Variants in CRTC1 observed in about 807,000 individuals in gnomAD.
CRTC1 encodes CREB-regulated transcription coactivator 1.
In CRTC1, 18 loss-of-function variants were observed where a neutral mutation model predicts 66.1. The observed-to-expected ratio is 0.27, with a 90% CI of 0.19 to 0.40. CRTC1 has a LOEUF of 0.40. Ranked by LOEUF, CRTC1 falls within the 10% of genes least tolerant of loss-of-function variation. The pLI, the probability that CRTC1 is intolerant of heterozygous loss-of-function variation, is 1.00. For missense variants in CRTC1, 669 were observed against 887.9 expected, an observed-to-expected ratio of 0.75 and a Z score of 3.13; for synonymous variants, 416 against 398.8, an observed-to-expected ratio of 1.04 and a Z score of -0.51.
At chr19:18,716,243 G>A (rs2053504285) in intron 1 of CRTC1, among the ~76,000 whole-genome samples, 1 of 151,712 alleles carries the variant, frequency 6.6e-6, no homozygotes, top group Non-Finnish European at 1.5e-5. Flanking sequence ...CCAGAATGTG[G>A]CTCCCGAATG....
chr19:18,724,383 C>T lies in CRTC1; in HGVS notation c.127-18527C>T, dbSNP rs556336747. Among the ~76,000 whole-genome samples the T allele has an allele frequency of 2.6e-5, 4 of 152,206 alleles. No homozygotes were observed. In the South Asian group the frequency reaches 8.3e-4, roughly 32 times the overall value. On this transcript the variant is annotated intron_variant, in intron 1 of 13. Coordinates refer to ENST00000321949, the MANE Select transcript of CRTC1 (RefSeq NM_015321.3). ...AAGGGACCTGGGGTGTTCAGGTTCT[C>T]AGCCCTGCCCTGGAAGGGGAGACAG...
chr19:18,771,418 G>A lies in CRTC1; in HGVS notation c.1321-24G>A, dbSNP rs767844401. The A allele has an allele frequency of 2.9e-5, 47 of 1,598,614 alleles. No homozygotes were observed. The highest frequency in any genetic ancestry group is 9.2e-5 in the East Asian group (4 of 43,648). ...CGGGCTTGGGCAGCTGGGCTGCGGC[G>A]TGCTGATCTGTCTGTCATCGCAGGC... On this transcript the variant is annotated intron_variant, in intron 10 of 13. Coordinates refer to ENST00000321949, the MANE Select transcript of CRTC1 (RefSeq NM_015321.3). The surrounding 1 kb of genome is among the most constrained non-coding windows in gnomAD (Gnocchi z 4.6).
At chr19:18,753,693 A>G in intron 6 of CRTC1, 108 bp downstream of exon 6, 1 of 717,790 alleles carries the variant, frequency 1.4e-6, no homozygotes, top group Non-Finnish European at 2.4e-6. Flanking sequence ...CCTTCCCAAG[A>G]CAGGGAACCT....
At chr19:18,766,107 A>C (rs1281226388) in intron 9 of CRTC1, among the ~76,000 whole-genome samples, 1 of 150,662 alleles carries the variant, frequency 6.6e-6, no homozygotes, top group African/African-American at 2.4e-5. Flanking sequence ...AATTTTTCAT[A>C]ATACTCTTTT....
At chr19:18,748,675 G>T (rs1257996786) in intron 4 of CRTC1, among the ~76,000 whole-genome samples, 2 of 149,336 alleles carry the variant, frequency 1.3e-5, no homozygotes, top group African/African-American at 4.9e-5. Flanking sequence ...ACACCAGCCT[G>T]GGGGGCAGAG....
At chr19:18,717,943 C>T (rs549068113) in intron 1 of CRTC1, among the ~76,000 whole-genome samples, 16 of 152,218 alleles carry the variant, frequency 1.1e-4, no homozygotes, top group African/African-American at 3.9e-4. Context: ...AAAAAGACAG[C>T]AGGGCCTGGG....
chr19:18,735,391 C>A (rs2053975183), intron 1 of CRTC1, among the ~76,000 whole-genome samples: 1 of 152,186 alleles, frequency 6.6e-6, no homozygotes, highest in Admixed American at 6.5e-5. Flanking sequence ...TGATCCAGGG[C>A]AGTGACAAGG....
At chr19:18,707,256 C>G (rs2145566390) in intron 1 of CRTC1, among the ~76,000 whole-genome samples, 1 of 152,258 alleles carries the variant, frequency 6.6e-6, no homozygotes, top group African/African-American at 2.4e-5. Flanking sequence ...GATCTTTGAT[C>G]CGTCTTGAGT....
intron 8 of CRTC1, among the ~76,000 whole-genome samples, chr19:18,764,580 C>T (rs534216388): frequency 2.0e-5 from 3 of 152,226 alleles, no homozygotes; most frequent in East Asian, 1.9e-4. Context: ...CCTTCGGGGC[C>T]GGGGTGAGGG....
intron 4 of CRTC1, among the ~76,000 whole-genome samples, chr19:18,749,205 T>A (rs563767312): frequency 3.9e-5 from 6 of 152,276 alleles, no homozygotes; most frequent in African/African-American, 1.2e-4. Context: ...CTGCCTCAGG[T>A]TGGCTTCCCA....
chr19:18,759,913 T>C, intron 7 of CRTC1, 95 bp from the exon 8 acceptor site: 1 of 962,544 alleles, frequency 1.0e-6, no homozygotes, highest in Non-Finnish European at 1.5e-6. Context: ...GGGGTGGCCT[T>C]TTGCACCCGC....
At chr19:18,733,803 T>C (rs2053940270) in intron 1 of CRTC1, among the ~76,000 whole-genome samples, 1 of 152,090 alleles carries the variant, frequency 6.6e-6, no homozygotes, top group Non-Finnish European at 1.5e-5. Flanking sequence ...GAGCTAGAAG[T>C]GTAAAACTCC....
In CRTC1 at chr19:18,768,488, G is replaced by A. The variant is rs1311720228; in HGVS notation, c.1015G>A (p.Val339Ile). 2 of 1,608,750 alleles carry A rather than the reference G, an allele frequency of 1.2e-6. No homozygotes were observed. The highest frequency in any genetic ancestry group is 2.2e-5 in the East Asian group (1 of 44,780). The change falls in exon 10 of 14, where the codon GTA becomes ATA. Residue 339 changes from valine (V) to isoleucine (I), a missense_variant. Coordinates refer to ENST00000321949, the MANE Select transcript of CRTC1 (RefSeq NM_015321.3). The surrounding 1 kb of genome is among the most constrained non-coding windows in gnomAD (Gnocchi z 5.6). The stretch of plus-strand genomic sequence containing the variant: ...CTGACGCTCTCCTCTCCTGCAGGCT[G>A]TAGCCATGGACGCCCTGTCTCTGGA... The part of the protein sequence containing the change: ...LSPLSPITQA[V>I]AMDALSLEQQ...
At position 18,698,151 on chromosome 19, in the gene CRTC1, T is replaced by C. The variant is rs555066140; in HGVS notation, c.126+14323T>C. On this transcript the variant is annotated intron_variant, in intron 1 of 13. Transcript: ENST00000321949. ...CTGCAGGCGCTCAGCTGGCGCAGCA[T>C]GTACTCAGCAGGCGCTCAGCAGGCA... Among the ~76,000 whole-genome samples the C allele has an allele frequency of 1.6e-3, 234 of 150,324 alleles. 1 individual carries two copies. Among genetic ancestry groups the C allele is most frequent in the African/African-American group, 5.4e-3 (220 of 40,684 alleles).
intron 8 of CRTC1, among the ~76,000 whole-genome samples, chr19:18,761,993 C>G (rs1051397560): frequency 6.6e-6 from 1 of 152,152 alleles, no homozygotes; most frequent in Non-Finnish European, 1.5e-5. Context: ...TTCGGAGGAG[C>G]CCTCTTCATT....
intron 1 of CRTC1, among the ~76,000 whole-genome samples, chr19:18,698,643 T>G (rs1461395786): frequency 6.7e-6 from 1 of 149,772 alleles, no homozygotes; most frequent in Admixed American, 6.6e-5. Flanking sequence ...GCTCAGCAGA[T>G]GCGCAGTGTG....
chr19:18,777,141 A>G lies in CRTC1; in HGVS notation c.1694-30A>G, dbSNP rs1341708231. 1 of 1,227,418 alleles carries G rather than the reference A, an allele frequency of 8.1e-7. No individual in the cohort carries two copies. Among genetic ancestry groups the G allele is most frequent in the Non-Finnish European group, 1.2e-6 (1 of 835,360 alleles). 76.0% of individuals were successfully genotyped at this position (1,227,418 alleles called of 1,614,324 possible). A position where few individuals can be genotyped will look rare whatever the true frequency, so the allele number is the denominator to read the frequency against. ...GCGAGCGATGGAGCCAGGGCTAAGC[A>G]GTGCCTTTTGTCCCCACCCCATCCC... On this transcript the variant is annotated intron_variant, in intron 13 of 13. Coordinates refer to ENST00000321949, the MANE Select transcript of CRTC1 (RefSeq NM_015321.3). The surrounding 1 kb of genome is among the most constrained non-coding windows in gnomAD (Gnocchi z 5.5).
chr19:18,774,974 T>A lies in CRTC1; in HGVS notation c.1500T>A (p.Ala500=), dbSNP rs1453088703. The change falls in exon 12 of 14, where the codon GCT becomes GCA. Residue 500 remains alanine (A), a synonymous_variant. Transcript: ENST00000321949. ...EQQMAARQAN[A]LSHQLEQFNM... is the part of the protein sequence containing the mutation. ...AGATGGCGGCCAGGCAGGCCAATGC[T>A]CTGTCCCACCAGGTGAGCGGGCGCC... 2 of 1,606,162 alleles carry A rather than the reference T, an allele frequency of 1.2e-6. No homozygotes were observed.
chr19:18,759,965 G>GTCCCCCC, intron 7 of CRTC1, 43 bp from the exon 8 acceptor site: 1 of 1,002,748 alleles, frequency 1.0e-6, no homozygotes, highest in Non-Finnish European at 1.4e-6. Context: ...CGCCAGCCCC[G>GTCCCCCC]CCCCATGAGC....
Sources: gnomAD v4.1 joint callset for allele counts (sites outside exome capture counted in the v4.1 genomes callset) on GRCh38, gnomAD v4.1.1 for gene constraint, Gnocchi (gnomAD v3.1) non-coding constraint, MANE v1.5 for transcripts, NCBI Gene and HGNC (gene_info 2026-07-23, HGNC 2026-07-21) for gene names.